Variants in CSMD1 observed in about 807,000 individuals in gnomAD.
The protein encoded by CSMD1 is CUB and Sushi multiple domains 1.
A neutral mutation model predicts 417.5 loss-of-function variants in CSMD1; 213 were observed. The ratio of observed to expected loss-of-function variants is 0.51; its 90% CI spans 0.46 to 0.57. The LOEUF (loss-of-function observed/expected upper bound fraction) is 0.57. Among genes scored for constraint, CSMD1 ranks in the 20% least tolerant of loss-of-function variants. CSMD1 has a pLI of 0.00. For missense variants in CSMD1, 6,923 were observed against 4,529.7 expected, an observed-to-expected ratio of 1.53 and a Z score of -15.17; for synonymous variants, 2,862 against 1,736.8, an observed-to-expected ratio of 1.65 and a Z score of -16.11.
At chr8:3,250,745 G>A in intron 26 of CSMD1, among the ~76,000 whole-genome samples, 1 of 152,090 alleles carries the variant, frequency 6.6e-6, no homozygotes, top group Non-Finnish European at 1.5e-5. Context: ...TTTAATGGTT[G>A]ATTGCCATTC....
At chr8:3,773,294 G>A (rs764811090) in intron 5 of CSMD1, among the ~76,000 whole-genome samples, 29 of 152,218 alleles carry the variant, frequency 1.9e-4, no homozygotes, top group Admixed American at 1.9e-3. Context: ...GGTTTGGGGA[G>A]AGCTGGTAGG....
chr8:3,005,442 T>C (rs1807802331), intron 52 of CSMD1, among the ~76,000 whole-genome samples: 1 of 152,180 alleles, frequency 6.6e-6, no homozygotes, highest in African/African-American at 2.4e-5. Context: ...ATCATCCTGA[T>C]ACCAAAGCTG....
At chr8:3,181,320 G>T in intron 36 of CSMD1, 106 bp from the exon 37 acceptor site, 2 of 721,434 alleles carry the variant, frequency 2.8e-6, no homozygotes, top group Admixed American at 2.6e-5. Flanking sequence ...CCTACAGTTT[G>T]TCTGATTACC....
intron 10 of CSMD1, among the ~76,000 whole-genome samples, chr8:3,559,062 G>A (rs1799352449): frequency 6.6e-6 from 1 of 152,206 alleles, no homozygotes. Flanking sequence ...ATGGAGAAGT[G>A]TTGAAGGATA....
At chr8:4,789,446 T>C (rs1192700721) in intron 1 of CSMD1, among the ~76,000 whole-genome samples, 1 of 152,156 alleles carries the variant, frequency 6.6e-6, no homozygotes, top group African/African-American at 2.4e-5. Context: ...CCCCAGAGTT[T>C]ACAAAATAAC....
chr8:4,751,942 G>C (rs1487328626), intron 1 of CSMD1, among the ~76,000 whole-genome samples: 2 of 152,166 alleles, frequency 1.3e-5, no homozygotes, highest in Non-Finnish European at 2.9e-5. Flanking sequence ...TGTAATCTGA[G>C]AGTGGGGGAA....
At chr8:3,849,765 G>C (rs1330457690) in intron 5 of CSMD1, among the ~76,000 whole-genome samples, 3 of 152,120 alleles carry the variant, frequency 2.0e-5, no homozygotes, top group Non-Finnish European at 4.4e-5. Flanking sequence ...TATCTTTTGA[G>C]AAATGATATG....
chr8:4,773,002 G>A (rs560545006), intron 1 of CSMD1, among the ~76,000 whole-genome samples: 12 of 152,230 alleles, frequency 7.9e-5, no homozygotes, highest in Admixed American at 7.8e-4. Flanking sequence ...TTCTAGCACT[G>A]ACCAATTAAC....
intron 3 of CSMD1, among the ~76,000 whole-genome samples, chr8:4,110,516 T>A (rs572012854): frequency 2.0e-5 from 3 of 152,292 alleles, no homozygotes; most frequent in African/African-American, 7.2e-5. Context: ...CCCTAGCGTG[T>A]GCAAGTTAAG....
intron 3 of CSMD1, among the ~76,000 whole-genome samples, chr8:4,261,051 A>G (rs944852655): frequency 3.9e-5 from 6 of 152,192 alleles, no homozygotes; most frequent in African/African-American, 1.2e-4. Context: ...TTAACGGTGA[A>G]TTTAGGATTC....
At chr8:4,701,502 C>A (rs1467482575) in intron 1 of CSMD1, among the ~76,000 whole-genome samples, 1 of 152,002 alleles carries the variant, frequency 6.6e-6, no homozygotes, top group Admixed American at 6.6e-5. Context: ...AACACCCAGG[C>A]CGCCTCCCAG....
chr8:3,602,973 A>G (rs1322149308), intron 8 of CSMD1, among the ~76,000 whole-genome samples: 3 of 152,222 alleles, frequency 2.0e-5, no homozygotes, highest in Non-Finnish European at 2.9e-5. Context: ...TTACTTTTCT[A>G]CTACAGATAT....
chr8:3,472,879 T>A (rs1425486804), intron 11 of CSMD1, among the ~76,000 whole-genome samples: 1 of 152,074 alleles, frequency 6.6e-6, no homozygotes, highest in African/African-American at 2.4e-5. Flanking sequence ...CCACTAGAAG[T>A]AACTGTTGGG....
At chr8:4,515,864 G>A (rs533241525) in intron 2 of CSMD1, among the ~76,000 whole-genome samples, 1 of 152,240 alleles carries the variant, frequency 6.6e-6, no homozygotes, top group South Asian at 2.1e-4. Flanking sequence ...AAGCCTGCTG[G>A]CACCAAACTC....
chr8:3,101,481 G>C (rs918913538), intron 46 of CSMD1, among the ~76,000 whole-genome samples: 1 of 152,148 alleles, frequency 6.6e-6, no homozygotes, highest in Non-Finnish European at 1.5e-5. Context: ...GGAGTGCAAT[G>C]ACACGATCTC....
chr8:3,799,538 T>C (rs1800347273), intron 5 of CSMD1, among the ~76,000 whole-genome samples: 1 of 151,602 alleles, frequency 6.6e-6, no homozygotes, highest in South Asian at 2.1e-4. Context: ...AAATGGATGA[T>C]CTAAAATATG....
chr8:3,757,747 G>A (rs1797738681), intron 5 of CSMD1, among the ~76,000 whole-genome samples: 1 of 151,972 alleles, frequency 6.6e-6, no homozygotes, highest in Non-Finnish European at 1.5e-5. Flanking sequence ...TAATCGGGAG[G>A]CTGAGGCAAG....
intron 49 of CSMD1, among the ~76,000 whole-genome samples, chr8:3,086,138 A>G (rs1814513810): frequency 6.6e-6 from 1 of 152,190 alleles, no homozygotes. Flanking sequence ...GTCATAGAAC[A>G]TTTAAAGCAA....
At chr8:3,111,162 C>T (rs778417962) in intron 42 of CSMD1, among the ~76,000 whole-genome samples, 1 of 152,014 alleles carries the variant, frequency 6.6e-6, no homozygotes, top group Non-Finnish European at 1.5e-5. Context: ...AAAGATTTGC[C>T]ACAAATGGTA....
Sources: allele counts gnomAD v4.1 joint callset (sites outside exome capture counted in the v4.1 genomes callset), GRCh38; gene constraint gnomAD v4.1.1; transcripts MANE v1.5; gene names NCBI Gene and HGNC (gene_info 2026-07-23, HGNC 2026-07-21).